Variants in APC2 observed in about 807,000 individuals in gnomAD.
APC2 encodes the protein APC regulator of Wnt signaling pathway 2.
APC2 carries 41 observed loss-of-function variants against 72.5 expected under a neutral mutation model. That is an observed-to-expected ratio of 0.57 (90% confidence interval 0.44 to 0.73). APC2 has a LOEUF of 0.73. APC2 is among the 30% of genes least tolerant of loss of function. The probability of loss-of-function intolerance (pLI) is 0.00; values close to 1 mark genes in which losing one functional copy is unlikely to be tolerated. For synonymous variants in APC2, 1,898 were observed against 1,612.0 expected, an observed-to-expected ratio of 1.18 and a Z score of -4.25; for missense variants, 3,729 against 3,403.4, an observed-to-expected ratio of 1.10 and a Z score of -2.38.
chr19:1,450,673 A>G (rs1244683305), intron 1 of APC2, among the ~76,000 whole-genome samples: 1 of 152,188 alleles, frequency 6.6e-6, no homozygotes. Context: ...GATTAAAGGA[A>G]GGAGAAAGGC....
chr19:1,458,196 T>C, intron 10 of APC2, 136 bp downstream of exon 10: 4 of 767,246 alleles, frequency 5.2e-6, no homozygotes, highest in East Asian at 2.7e-5. Context: ...ACAGACTCCC[T>C]GGAGTCACAT....
rs1236366231 is a variant in APC2, at chr19:1,469,444, C to T, written c.6143C>T (p.Ala2048Val). ...TCCTCGCGCTGCGAAGAGCTCCGAG[C>T]GGCACCCCGGCAGGGCCCGGCCCCG... ...LCSSRCEELR[A>V]APRQGPAPAR... The change falls in exon 15 of 15, where the codon GCG becomes GTG. Residue 2048 changes from alanine (A) to valine (V), a missense_variant. Transcript: ENST00000590469. The T allele has an allele frequency of 5.2e-6, 6 of 1,158,158 alleles. 1 individual carries two copies. The highest frequency in any genetic ancestry group is 6.4e-6 in the Non-Finnish European group (6 of 943,524). 71.7% of individuals were successfully genotyped at this position (1,158,158 alleles called of 1,614,324 possible).
At position 1,452,738 on chromosome 19, in the gene APC2, T is replaced by G. The variant is rs1260972087; in HGVS notation, c.-18-246T>G. On this transcript the variant is annotated intron_variant, in intron 1 of 14. Coordinates refer to ENST00000590469, the MANE Select transcript of APC2 (RefSeq NM_005883.3). The surrounding 1 kb of genome is among the most constrained non-coding windows in gnomAD (Gnocchi z 5.1). ...TTGGACGTTCAGCTGTCTGTACGTC[T>G]GTCTGCTGGCCCCTCTGTCTCCCCT... The G allele has an allele frequency of 9.7e-6, 5 of 516,530 alleles. No homozygotes were observed. The East Asian group carries it at 1.6e-4, about 17-fold the overall frequency. 32.0% of individuals were successfully genotyped at this position (516,530 alleles called of 1,614,324 possible). A position where few individuals can be genotyped will look rare whatever the true frequency, so the allele number is the denominator to read the frequency against.
At chr19:1,457,401 G>T (rs1221096947) in intron 9 of APC2, 158 bp downstream of exon 9, 11 of 1,105,550 alleles carry the variant, frequency 9.9e-6, no homozygotes, top group African/African-American at 1.7e-5. Context: ...GGCATTTGAC[G>T]TTGGGAAAAG....
intron 9 of APC2, chr19:1,457,446 G>A (rs937910379): frequency 6.9e-6 from 5 of 723,234 alleles, no homozygotes; most frequent in Non-Finnish European, 1.1e-5. Flanking sequence ...CAGAGTAAAC[G>A]CTCGGGAAGT....
chr19:1,463,147 C>T (rs568852803), intron 14 of APC2, among the ~76,000 whole-genome samples: 127 of 151,182 alleles, frequency 8.4e-4, no homozygotes, highest in African/African-American at 2.9e-3. Flanking sequence ...GTGGGCCGGG[C>T]GTGGTGGCTC....
chr19:1,450,297 C>G lies in APC2; in HGVS notation c.-60C>G, dbSNP rs1398638834. The stretch of plus-strand genomic sequence containing the variant: ...GCGGAGCCGCGCAGAGGGAGGAGGC[C>G]CCAGACCCAGGCGCCCCGCCAGCCC... On this transcript the variant is annotated 5_prime_UTR_variant, in exon 1 of 15. Transcript: ENST00000590469. The G allele has an allele frequency of 1.0e-6, 1 of 985,340 alleles. No individual in the cohort carries two copies. The highest frequency in any genetic ancestry group is 1.7e-5 in the African/African-American group (1 of 57,236). 61.0% of individuals were successfully genotyped at this position (985,340 alleles called of 1,614,324 possible).
chr19:1,461,255 C>G, intron 13 of APC2, 102 bp downstream of exon 13: 1 of 989,736 alleles, frequency 1.0e-6, no homozygotes, highest in Non-Finnish European at 1.6e-6. Context: ...TCAAGTTGAA[C>G]AGCTCACTGC....
At position 1,455,476 on chromosome 19, in the gene APC2, G is replaced by A; in HGVS notation, c.615G>A (p.Ser205=). ...RSLMEERFGT[S]DEMVQRAQIR... is the part of the protein sequence containing the mutation. ...TGATGGAGGAGCGCTTCGGCACCTC[G>A]GACGAGATGGTGCAGCGGGCACAGG... is the stretch of plus-strand genomic sequence containing the variant. Residue 205 remains serine, a synonymous_variant, in exon 6 of 15, where the codon TCG becomes TCA. Coordinates refer to ENST00000590469, the MANE Select transcript of APC2 (RefSeq NM_005883.3). 1 of 1,603,276 alleles carries A rather than the reference G, an allele frequency of 6.2e-7. No individual in the cohort carries two copies. The highest frequency in any genetic ancestry group is 8.5e-7 in the Non-Finnish European group (1 of 1,175,436).
At chr19:1,455,068 C>T (rs1007554660) in intron 4 of APC2, 81 bp from the exon 5 acceptor site, 4 of 864,172 alleles carry the variant, frequency 4.6e-6, no homozygotes, top group Non-Finnish European at 6.8e-6. Flanking sequence ...ATACAGTAAG[C>T]GCTAACAAGT....
At position 1,461,272 on chromosome 19, in the gene APC2, G is replaced by A. The variant is rs117101103; in HGVS notation, c.1638+119G>A. On this transcript the variant is annotated intron_variant, in intron 13 of 14. Coordinates refer to ENST00000590469, the MANE Select transcript of APC2 (RefSeq NM_005883.3). ...AAGTTGAACAGCTCACTGCTTAGCGGGTGGTCCAGCCTCAGACCGGCTGGG... is the reference window on the plus strand; with the variant it reads ...AAGTTGAACAGCTCACTGCTTAGCGAGTGGTCCAGCCTCAGACCGGCTGGG... 1.1e-3 allele frequency: 947 copies of A among 886,904 alleles called. 25 individuals carry two copies. The East Asian group carries it at 0.023, about 22-fold the overall frequency. The allele number at this position is 886,904 out of a possible 1,614,324, so 54.9% of individuals were successfully genotyped here.
upstream of APC2, among the ~76,000 whole-genome samples, chr19:1,449,469 G>T (rs1218846902): frequency 6.6e-6 from 1 of 152,228 alleles, no homozygotes; most frequent in Non-Finnish European, 1.5e-5. Flanking sequence ...CAGGGGCAGA[G>T]ACACATGGAG....
In APC2 at chr19:1,467,348, C is replaced by T. The variant is rs1187372860; in HGVS notation, c.4047C>T (p.Ala1349=). 15 of 1,454,142 alleles carry T rather than the reference C, an allele frequency of 1.0e-5. No individual in the cohort carries two copies. In the African/African-American group the frequency reaches 1.9e-4, roughly 19 times the overall value. 90.1% of individuals were successfully genotyped at this position (1,454,142 alleles called of 1,614,324 possible). ...ELELLRECLG[A]AVPARLRKVA... ...AACTGCTGCGGGAGTGCCTGGGAGC[C>T]GCCGTGCCTGCCCGGCTGCGCAAGG... Residue 1349 remains alanine (A), a synonymous_variant, in exon 15 of 15, where the codon GCC becomes GCT. Coordinates refer to ENST00000590469, the MANE Select transcript of APC2 (RefSeq NM_005883.3).
chr19:1,449,980 C>G (rs974888297), upstream of APC2, among the ~76,000 whole-genome samples: 11 of 152,130 alleles, frequency 7.2e-5, no homozygotes, highest in African/African-American at 2.4e-4. Context: ...CCCCTGAGCC[C>G]GCGCGGAGGC....
rs568128701 is a variant in APC2 at position 1,461,530 on chromosome 19, G to A, written c.1638+377G>A. ...GTTGCGCCACTGCATTCCAGCCTGG[G>A]CCACAGAGCAAGACTGCGTCTCAAA... On this transcript the variant is annotated intron_variant, in intron 13 of 14. Transcript: ENST00000590469. 1.1e-5 allele frequency: 4 copies of A among 361,352 alleles called. No homozygotes were observed. The Admixed American group carries it at 1.7e-4, about 16-fold the overall frequency. 22.4% of individuals were successfully genotyped at this position (361,352 alleles called of 1,614,324 possible). A position where few individuals can be genotyped will look rare whatever the true frequency, so the allele number is the denominator to read the frequency against.
upstream of APC2, among the ~76,000 whole-genome samples, chr19:1,448,797 A>T (rs265298): frequency 0.96 from 143,084 of 148,950 alleles, 68,770 homozygotes; most frequent in East Asian, 1. Context: ...TGAGCCGAGA[A>T]CGTGCCACTG....
rs2083988927 is a variant in APC2 at position 1,465,283 on chromosome 19, AGCT to A, written c.1987_1989del (p.Leu663del). ...TCGGCCCGCAGCGCCCGTGACCAGG[AGCT>A]GCTGTGGGACCTGGGCGCCGTGGGC... is the stretch of plus-strand genomic sequence containing the variant. On this transcript the variant is annotated inframe_deletion, in exon 15 of 15. Transcript: ENST00000590469. 1 of 1,604,562 alleles carries A rather than the reference AGCT, an allele frequency of 6.2e-7. No individual in the cohort carries two copies. The highest frequency in any genetic ancestry group is 8.5e-7 in the Non-Finnish European group (1 of 1,178,676).
chr19:1,466,610 C>T lies in APC2; in HGVS notation c.3309C>T (p.Ala1103=), dbSNP rs1336754837. 6.5e-7 allele frequency: 1 copy of T among 1,535,172 alleles called. No individual in the cohort carries two copies. The highest frequency in any genetic ancestry group is 8.7e-7 in the Non-Finnish European group (1 of 1,145,810). The change falls in exon 15 of 15, where the codon GCC becomes GCT. Residue 1103 remains alanine, a synonymous_variant. Coordinates refer to ENST00000590469, the MANE Select transcript of APC2 (RefSeq NM_005883.3). The part of the protein sequence containing the change: ...SDSSLEGLEE[A]GPSEAELDST... ...CCTCCCTGGAGGGGCTGGAGGAGGC[C>T]GGCCCCAGCGAGGCTGAGCTGGACA...
chr19:1,462,253 TC>T lies in APC2; in HGVS notation c.1853+79del. 2.2e-6 allele frequency: 3 copies of T among 1,347,346 alleles called. No individual in the cohort carries two copies. In the South Asian group the frequency reaches 4.2e-5, roughly 19 times the overall value. The allele number at this position is 1,347,346 out of a possible 1,614,324, so 83.5% of individuals were successfully genotyped here. On this transcript the variant is annotated intron_variant, in intron 14 of 14. Coordinates refer to ENST00000590469, the MANE Select transcript of APC2 (RefSeq NM_005883.3). ...CACAGGGCTGGGCTGGGCACTGTCC[TC>T]CCGTGAATGCATGCTCCCAAGGCTT...
Sources: gnomAD v4.1 joint callset for allele counts (sites outside exome capture counted in the v4.1 genomes callset) on GRCh38, gnomAD v4.1.1 for gene constraint, Gnocchi (gnomAD v3.1) non-coding constraint, MANE v1.5 for transcripts, NCBI Gene and HGNC (gene_info 2026-07-23, HGNC 2026-07-21) for gene names.